CCDC73: variants seen among roughly 807,000 people sequenced by gnomAD.
CCDC73 encodes the protein coiled-coil domain-containing protein 73.
A neutral mutation model predicts 116.5 loss-of-function variants in CCDC73; 95 were observed. That is an observed-to-expected ratio of 0.82 (90% CI 0.69 to 0.97). The LOEUF is 0.97. CCDC73 is among the 50% of genes least tolerant of loss of function. CCDC73 has a pLI of 0.00. For missense variants in CCDC73, 1,066 were observed against 1,206.8 expected, an observed-to-expected ratio of 0.88 and a Z score of 1.73; for synonymous variants, 398 against 401.3, an observed-to-expected ratio of 0.99 and a Z score of 0.10.
chr11:32,690,829 G>C (rs1313449900), intron 6 of CCDC73, among the ~76,000 whole-genome samples: 1 of 152,046 alleles, frequency 6.6e-6, no homozygotes, highest in Non-Finnish European at 1.5e-5. Context: ...ACTAATACAG[G>C]TACATTTGTT....
chr11:32,649,248 G>A (rs1243535828), intron 12 of CCDC73, among the ~76,000 whole-genome samples: 2 of 152,052 alleles, frequency 1.3e-5, no homozygotes, highest in Non-Finnish European at 2.9e-5. Context: ...GAAGCCATTT[G>A]CTAATGCTTT....
chr11:32,675,254 TAA>T (rs1467300121), intron 9 of CCDC73, among the ~76,000 whole-genome samples: 3 of 152,148 alleles, frequency 2.0e-5, no homozygotes, highest in African/African-American at 4.8e-5. Flanking sequence ...ACCCAGTATA[TAA>T]AAGTCACTCA....
chr11:32,776,934 A>ATATATATATATATAT, intron 1 of CCDC73, among the ~76,000 whole-genome samples: 1 of 30,178 alleles, frequency 3.3e-5, no homozygotes, highest in South Asian at 1.2e-3. Flanking sequence ...TTAAAAAAAA[A>ATATATATATATATAT]AAATATATAT....
rs868762708 is a variant in CCDC73, at chr11:32,755,963, A to C, written c.135+4146T>G. On this transcript the variant is annotated intron_variant, in intron 2 of 17. Transcript: ENST00000335185. ...TCTCCATATATATATCTATATATAT[A>C]TCTCCATATATATATCTATATATAT... Among the ~76,000 whole-genome samples the C allele has an allele frequency of 1.3e-3, 50 of 39,510 alleles. 1 individual carries two copies. The highest frequency in any genetic ancestry group is 1.4e-3 in the Non-Finnish European group (34 of 24,606). The allele number at this position is 39,510 out of a possible 152,430, so 25.9% of individuals were successfully genotyped here. A position where few individuals can be genotyped will look rare whatever the true frequency, so the allele number is the denominator to read the frequency against.
At chr11:32,787,508 A>G (rs1272410399) in intron 1 of CCDC73, among the ~76,000 whole-genome samples, 2 of 152,212 alleles carry the variant, frequency 1.3e-5, no homozygotes, top group South Asian at 2.1e-4. Context: ...TTCCCAAAAA[A>G]ATTATTTGGT....
chr11:32,635,769 GTTTC>G lies in CCDC73; in HGVS notation c.1108_1111del (p.Glu370LeufsTer30), dbSNP rs761218829. 24 of 1,268,576 alleles carry G rather than the reference GTTTC, an allele frequency of 1.9e-5. No homozygotes were observed. The highest frequency in any genetic ancestry group is 9.7e-5 in the Admixed American group (3 of 31,000). 78.6% of individuals were successfully genotyped at this position (1,268,576 alleles called of 1,614,324 possible). On this transcript the variant is annotated frameshift_variant, in exon 14 of 18. Coordinates refer to ENST00000335185, the MANE Select transcript of CCDC73 (RefSeq NM_001008391.4). LOFTEE classifies it high-confidence loss of function. ...ATAATGTTCTTGTAACTTAATATGA[GTTTC>G]TTTAAGGGATGATAATTCATTTTTA...
intron 14 of CCDC73, among the ~76,000 whole-genome samples, chr11:32,621,262 A>G (rs918159635): frequency 6.6e-6 from 1 of 152,204 alleles, no homozygotes; most frequent in African/African-American, 2.4e-5. Flanking sequence ...ATGCTACCTG[A>G]CTTCAAACTA....
At chr11:32,667,778 C>T (rs758541620) in intron 9 of CCDC73, among the ~76,000 whole-genome samples, 7 of 152,208 alleles carry the variant, frequency 4.6e-5, no homozygotes, top group Non-Finnish European at 7.3e-5. Flanking sequence ...TAGACTGGAG[C>T]TGTTCCTATT....
chr11:32,603,976 A>G (rs1401439473), intron 17 of CCDC73: 2 of 152,260 alleles, frequency 1.3e-5, no homozygotes, highest in Non-Finnish European at 2.9e-5. Flanking sequence ...CTGAGGTGCA[A>G]GGATCATTTG....
chr11:32,753,213 G>A (rs756066807), intron 2 of CCDC73, among the ~76,000 whole-genome samples: 3 of 151,652 alleles, frequency 2.0e-5, no homozygotes, highest in Non-Finnish European at 4.4e-5. Context: ...TAATCTCTAT[G>A]CCCAAGAATA....
intron 13 of CCDC73, among the ~76,000 whole-genome samples, chr11:32,637,577 T>A (rs907022102): frequency 6.6e-6 from 1 of 151,304 alleles, no homozygotes. Context: ...TCTTACCAGC[T>A]CCCTCTCCCC....
intron 14 of CCDC73, among the ~76,000 whole-genome samples, chr11:32,621,134 A>G: frequency 6.6e-6 from 1 of 152,112 alleles, no homozygotes; most frequent in Non-Finnish European, 1.5e-5. Flanking sequence ...TTCCCATCAA[A>G]CTACCACTGA....
intron 9 of CCDC73, among the ~76,000 whole-genome samples, chr11:32,656,234 C>A (rs549257941): frequency 6.6e-6 from 1 of 152,068 alleles, no homozygotes; most frequent in Non-Finnish European, 1.5e-5. Flanking sequence ...CCCACCACCA[C>A]GCCCGGCTAA....
At chr11:32,705,381 C>G (rs1387990188) in intron 3 of CCDC73, among the ~76,000 whole-genome samples, 1 of 152,142 alleles carries the variant, frequency 6.6e-6, no homozygotes, top group Non-Finnish European at 1.5e-5. Flanking sequence ...TGGGCACCAC[C>G]ACATTCCCCT....
chr11:32,674,943 CT>C, intron 9 of CCDC73, among the ~76,000 whole-genome samples: 1 of 152,254 alleles, frequency 6.6e-6, no homozygotes, highest in African/African-American at 2.4e-5. Context: ...CCATATCAGA[CT>C]TTTTTTAGTT....
chr11:32,655,716 T>C (rs1855865415), intron 9 of CCDC73, among the ~76,000 whole-genome samples: 1 of 152,162 alleles, frequency 6.6e-6, no homozygotes, highest in Non-Finnish European at 1.5e-5. Flanking sequence ...TAAAACAAAA[T>C]GGGGAATTAA....
intron 2 of CCDC73, among the ~76,000 whole-genome samples, chr11:32,744,157 T>C (rs1352013294): frequency 6.6e-6 from 1 of 152,218 alleles, no homozygotes; most frequent in Admixed American, 6.5e-5. Flanking sequence ...CTGCATCTCT[T>C]GAGATAATCA....
chr11:32,640,375 G>C (rs1420292203), intron 13 of CCDC73, among the ~76,000 whole-genome samples: 1 of 152,040 alleles, frequency 6.6e-6, no homozygotes, highest in African/African-American at 2.4e-5. Flanking sequence ...GAAAATGAAT[G>C]TTTAATTTTC....
At chr11:32,630,219 T>C (rs2133237343) in intron 14 of CCDC73, among the ~76,000 whole-genome samples, 1 of 152,358 alleles carries the variant, frequency 6.6e-6, no homozygotes, top group South Asian at 2.1e-4. Flanking sequence ...TAAACTTTGG[T>C]ATAATATTAT....
Sources: gnomAD v4.1 joint callset for allele counts (sites outside exome capture counted in the v4.1 genomes callset) on GRCh38, gnomAD v4.1.1 for gene constraint, MANE v1.5 for transcripts, NCBI Gene and HGNC (gene_info 2026-07-23, HGNC 2026-07-21) for gene names.